HIVEP3: variants seen among roughly 807,000 people sequenced by gnomAD.
HIVEP3 encodes the protein transcription factor HIVEP3.
In HIVEP3, 49 loss-of-function variants were observed where a neutral mutation model predicts 152.8. The ratio of observed to expected loss-of-function variants is 0.32; its 90% confidence interval spans 0.26 to 0.41. The LOEUF is 0.41. Among genes scored for constraint, HIVEP3 ranks in the 10% least tolerant of loss-of-function variants. The pLI, the probability that HIVEP3 is intolerant of heterozygous loss-of-function variation, is 1.00. For synonymous variants in HIVEP3, 1,269 were observed against 1,289.0 expected, an observed-to-expected ratio of 0.98 and a Z score of 0.33; for missense variants, 2,790 against 3,103.3, an observed-to-expected ratio of 0.90 and a Z score of 2.40.
intron 1 of HIVEP3, among the ~76,000 whole-genome samples, chr1:42,028,540 A>C (rs1259124548): frequency 1.3e-5 from 2 of 151,894 alleles, no homozygotes; most frequent in African/African-American, 2.4e-5. Flanking sequence ...CAGCTTACTG[A>C]CTCGGTGTCC....
intron 2 of HIVEP3, among the ~76,000 whole-genome samples, chr1:41,698,710 A>T (rs980655928): frequency 6.6e-6 from 1 of 152,114 alleles, no homozygotes; most frequent in African/African-American, 2.4e-5. Flanking sequence ...TGCTGATCTA[A>T]GAACTCCCAT....
Position 41,617,273 on chromosome 1 carries a change from T to C in HIVEP3, c.-522+11476A>G, listed in dbSNP as rs139362181. ...GCATTCATTGTTCCATAGGCCGGAT[T>C]TCCAGAAGTGGAAACATGGATCAAT... On this transcript the variant is annotated intron_variant, in intron 3 of 8. Coordinates refer to ENST00000372583, the MANE Select transcript of HIVEP3 (RefSeq NM_024503.5). 2.3e-3 allele frequency among the ~76,000 whole-genome samples: 345 copies of C among 152,356 alleles called. 1 individual carries two copies. The highest frequency in any genetic ancestry group is 5.2e-3 in the South Asian group (25 of 4,828).
rs899048492 is a variant in HIVEP3, at chr1:41,786,447, A to G, written c.-800-85452T>C. Among the ~76,000 whole-genome samples, 3 of 152,246 alleles carry G rather than the reference A, an allele frequency of 2.0e-5. No individual in the cohort carries two copies. In the East Asian group the frequency reaches 5.8e-4, roughly 29 times the overall value. On this transcript the variant is annotated intron_variant, in intron 1 of 8. Coordinates refer to ENST00000372583, the MANE Select transcript of HIVEP3 (RefSeq NM_024503.5). ...ATCACTTCTGATTTTACAGTCCATT[A>G]CTGGTTGGCTGCCATTACTCTAGAC...
At chr1:41,972,492 G>A (rs1255578512) in intron 1 of HIVEP3, among the ~76,000 whole-genome samples, 1 of 152,244 alleles carries the variant, frequency 6.6e-6, no homozygotes, top group Non-Finnish European at 1.5e-5. Context: ...AGAGCTCATA[G>A]CCCAGTGAGG....
chr1:41,932,926 G>A (rs1254026391), intron 1 of HIVEP3, among the ~76,000 whole-genome samples: 1 of 151,588 alleles, frequency 6.6e-6, no homozygotes, highest in Admixed American at 6.6e-5. Context: ...GACTTCCTCT[G>A]ACATATGGTT....
chr1:42,005,418 A>G (rs543914326), intron 1 of HIVEP3, among the ~76,000 whole-genome samples: 2 of 152,142 alleles, frequency 1.3e-5, no homozygotes, highest in East Asian at 1.9e-4. Flanking sequence ...ACATATGTGT[A>G]TATATATATG....
chr1:41,855,144 G>A (rs1187033121), intron 1 of HIVEP3, among the ~76,000 whole-genome samples: 7 of 144,960 alleles, frequency 4.8e-5, no homozygotes, highest in Admixed American at 1.4e-4. Flanking sequence ...CCCACCAACC[G>A]TGTAAAAGTG....
At chr1:41,883,473 A>G (rs1038688258) in intron 1 of HIVEP3, among the ~76,000 whole-genome samples, 3 of 152,158 alleles carry the variant, frequency 2.0e-5, no homozygotes, top group South Asian at 4.2e-4. Flanking sequence ...GACCACAGGC[A>G]CTCTCCTGCG....
Position 41,580,312 on chromosome 1 carries a change from G to A in HIVEP3, c.4486C>T (p.Leu1496=), listed in dbSNP as rs894178356. The A allele has an allele frequency of 3.1e-6, 5 of 1,614,166 alleles. No individual in the cohort carries two copies. The highest frequency in any genetic ancestry group is 4.5e-5 in the East Asian group (2 of 44,886). The change falls in exon 4 of 9, where the codon CTA becomes TTA. Residue 1496 remains leucine, a synonymous_variant. Coordinates refer to ENST00000372583, the MANE Select transcript of HIVEP3 (RefSeq NM_024503.5). ...LGNQGQGRRE[L]EMLSSLSSDP... ...GAGGACAGGCTGGACAGCATTTCTAGCTCCCTCCTGCCTTGGCCCTGGTTG... is the reference window on the plus strand; with the variant it reads ...GAGGACAGGCTGGACAGCATTTCTAACTCCCTCCTGCCTTGGCCCTGGTTG...
chr1:41,753,151 T>G (rs931372309), intron 1 of HIVEP3, among the ~76,000 whole-genome samples: 1 of 152,170 alleles, frequency 6.6e-6, no homozygotes, highest in Non-Finnish European at 1.5e-5. Flanking sequence ...CCAGCATTGG[T>G]GGGAGTGTAG....
Position 41,770,925 on chromosome 1 carries a change from C to G in HIVEP3, c.-800-69930G>C, listed in dbSNP as rs552797774. 1.6e-3 allele frequency among the ~76,000 whole-genome samples: 245 copies of G among 152,114 alleles called. 1 individual carries two copies. The highest frequency in any genetic ancestry group is 5.8e-3 in the African/African-American group (239 of 41,488). ...AGGGGAGACAGGGTGAAAGGTACAC[C>G]AGAACTCTCTAGAGCATGCATTGTC... On this transcript the variant is annotated intron_variant, in intron 1 of 8. Transcript: ENST00000372583.
intron 1 of HIVEP3, among the ~76,000 whole-genome samples, chr1:41,878,581 C>A (rs1467718188): frequency 1.3e-5 from 2 of 152,170 alleles, no homozygotes; most frequent in African/African-American, 2.4e-5. Flanking sequence ...ACACCACACT[C>A]ACATCACGGG....
chr1:41,803,996 C>G (rs1011083331), intron 1 of HIVEP3, among the ~76,000 whole-genome samples: 3 of 152,204 alleles, frequency 2.0e-5, no homozygotes, highest in Admixed American at 6.5e-5. Context: ...TATGTCCTAA[C>G]CTGTCCATGG....
At chr1:41,934,824 CT>C (rs1457662716) in intron 1 of HIVEP3, among the ~76,000 whole-genome samples, 1 of 152,154 alleles carries the variant, frequency 6.6e-6, no homozygotes, top group East Asian at 1.9e-4. Flanking sequence ...TTCAGGACAA[CT>C]GTCTTGTTGA....
intron 1 of HIVEP3, among the ~76,000 whole-genome samples, chr1:41,778,119 CATTGACCG>C (rs1648825320): frequency 6.6e-6 from 1 of 152,192 alleles, no homozygotes; most frequent in Admixed American, 6.5e-5. Flanking sequence ...GCACGCACTT[CATTGACCG>C]AAAAGTTGAT....
chr1:41,530,142 C>T (rs1235986373), intron 5 of HIVEP3, among the ~76,000 whole-genome samples: 5 of 152,136 alleles, frequency 3.3e-5, no homozygotes, highest in East Asian at 1.9e-4. Flanking sequence ...CAACTGATGC[C>T]GCCAAGGAGT....
At chr1:41,925,564 G>C (rs1025042052) in intron 1 of HIVEP3, among the ~76,000 whole-genome samples, 8 of 152,186 alleles carry the variant, frequency 5.3e-5, no homozygotes, top group Non-Finnish European at 8.8e-5. Flanking sequence ...TATCTCAGGG[G>C]TGGCAGAGGC....
chr1:41,550,387 G>GT (rs1320288929), intron 5 of HIVEP3, among the ~76,000 whole-genome samples: 1 of 151,608 alleles, frequency 6.6e-6, no homozygotes, highest in Non-Finnish European at 1.5e-5. Flanking sequence ...ATGAACTTTA[G>GT]TTTTTTCCAA....
intron 2 of HIVEP3, among the ~76,000 whole-genome samples, chr1:41,673,258 C>T (rs1645904894): frequency 2.0e-5 from 3 of 152,180 alleles, no homozygotes; most frequent in Non-Finnish European, 4.4e-5. Flanking sequence ...CTGGGGTCTC[C>T]CAGAGGCCAG....
Sources: gnomAD v4.1 joint callset for allele counts (sites outside exome capture counted in the v4.1 genomes callset) on GRCh38, gnomAD v4.1.1 for gene constraint, MANE v1.5 for transcripts, NCBI Gene and HGNC (gene_info 2026-07-23, HGNC 2026-07-21) for gene names.